The following CSMD1 variants were observed in gnomAD, a reference collection of about 807,000 sequenced individuals.
CSMD1 encodes CUB and Sushi multiple domains 1.
In CSMD1, 213 loss-of-function variants were observed where a neutral mutation model predicts 417.5. The observed-to-expected ratio is 0.51, with a 90% CI of 0.46 to 0.57. CSMD1 has a LOEUF of 0.57. Ranked by LOEUF, CSMD1 falls within the 20% of genes least tolerant of loss-of-function variation. The pLI, the probability that CSMD1 is intolerant of heterozygous loss-of-function variation, is 0.00. For synonymous variants in CSMD1, 2,862 were observed against 1,736.8 expected (o/e 1.65, Z -16.11); for missense variants, 6,923 against 4,529.7 (o/e 1.53, Z -15.17).
chr8:4,749,765 T>C (rs1448693830), intron 1 of CSMD1, among the ~76,000 whole-genome samples: 1 of 152,172 alleles, frequency 6.6e-6, no homozygotes, highest in Non-Finnish European at 1.5e-5. Context: ...ACCATCTAGA[T>C]GCATTAAAAT....
intron 25 of CSMD1, among the ~76,000 whole-genome samples, chr8:3,296,888 G>A (rs1428817655): frequency 6.6e-6 from 1 of 152,174 alleles, no homozygotes; most frequent in Non-Finnish European, 1.5e-5. Flanking sequence ...ATAGATGGAG[G>A]GGTATGTAGG....
At chr8:4,019,425 T>A (rs1172355086) in intron 4 of CSMD1, among the ~76,000 whole-genome samples, 2 of 152,014 alleles carry the variant, frequency 1.3e-5, no homozygotes, top group East Asian at 1.9e-4. Context: ...CCTATCTTCA[T>A]GTACCTAAAA....
chr8:3,558,560 T>A (rs1398160536), intron 10 of CSMD1, among the ~76,000 whole-genome samples: 1 of 87,844 alleles, frequency 1.1e-5, no homozygotes, highest in Non-Finnish European at 3.0e-5. Flanking sequence ...TGGTACCCCG[T>A]GTCCACTCCT....
intron 5 of CSMD1, among the ~76,000 whole-genome samples, chr8:3,985,810 G>C (rs1010913570): frequency 6.6e-6 from 1 of 151,422 alleles, no homozygotes. Context: ...GATTGGACAG[G>C]GTGAGACAGC....
At chr8:4,070,657 A>G (rs1799506637) in intron 3 of CSMD1, among the ~76,000 whole-genome samples, 1 of 152,028 alleles carries the variant, frequency 6.6e-6, no homozygotes, top group East Asian at 1.9e-4. Context: ...GTGCCCGGCC[A>G]CCACCTATAA....
Position 4,243,781 on chromosome 8 carries a change from G to C in CSMD1, c.415+176172C>G, listed in dbSNP as rs780538083. On this transcript the variant is annotated intron_variant, in intron 3 of 69. Coordinates refer to ENST00000635120, the MANE Select transcript of CSMD1 (RefSeq NM_033225.6). ...ATCATTCTAGTATTCAACGAGGAAA[G>C]AAAGAAAAGCAAATCATGACAAGGT... is the stretch of plus-strand genomic sequence containing the variant. Among the ~76,000 whole-genome samples the C allele has an allele frequency of 2.0e-5, 3 of 152,136 alleles. No individual in the cohort carries two copies. In the South Asian group the frequency reaches 6.2e-4, roughly 32 times the overall value.
At chr8:4,961,354 C>G (rs1018036871) in intron 1 of CSMD1, among the ~76,000 whole-genome samples, 8 of 152,088 alleles carry the variant, frequency 5.3e-5, no homozygotes, top group African/African-American at 1.9e-4. Flanking sequence ...TTCTTTCAAC[C>G]TGACCTGATT....
intron 50 of CSMD1, 148 bp from the exon 51 acceptor site, chr8:3,029,661 C>A: frequency 1.6e-6 from 1 of 636,608 alleles, no homozygotes; most frequent in South Asian, 2.0e-5. Context: ...TGTTTCTCTA[C>A]CACCCACATA....
chr8:3,901,491 G>C (rs1467968780), intron 5 of CSMD1, among the ~76,000 whole-genome samples: 2 of 152,128 alleles, frequency 1.3e-5, no homozygotes, highest in Admixed American at 6.6e-5. Flanking sequence ...CACATGCATT[G>C]TCAGTTCTGA....
At chr8:3,720,224 T>A (rs1400450458) in intron 6 of CSMD1, among the ~76,000 whole-genome samples, 2 of 152,266 alleles carry the variant, frequency 1.3e-5, no homozygotes, top group Non-Finnish European at 2.9e-5. Flanking sequence ...GTTGGAAACA[T>A]GCCACGTCAT....
At chr8:3,002,042 C>G (rs1563224591) in intron 52 of CSMD1, among the ~76,000 whole-genome samples, 1 of 152,132 alleles carries the variant, frequency 6.6e-6, no homozygotes, top group Non-Finnish European at 1.5e-5. Context: ...TGCCTCAACT[C>G]GTAGAAGAGA....
chr8:3,336,201 G>C (rs1199066710), intron 23 of CSMD1, among the ~76,000 whole-genome samples: 1 of 152,090 alleles, frequency 6.6e-6, no homozygotes, highest in Non-Finnish European at 1.5e-5. Flanking sequence ...TATTAAGTTA[G>C]ATCATAGCAA....
At chr8:4,667,204 T>C (rs932484989) in intron 1 of CSMD1, among the ~76,000 whole-genome samples, 1 of 152,166 alleles carries the variant, frequency 6.6e-6, no homozygotes, top group Non-Finnish European at 1.5e-5. Flanking sequence ...TTCCATAGAT[T>C]ATATCTATCT....
intron 12 of CSMD1, among the ~76,000 whole-genome samples, chr8:3,423,652 G>T: frequency 1.3e-5 from 2 of 152,300 alleles, no homozygotes; most frequent in Admixed American, 1.3e-4. Flanking sequence ...GGGCATTTGG[G>T]TTGTTTCCAG....
At chr8:4,345,249 C>T (rs1800713023) in intron 3 of CSMD1, among the ~76,000 whole-genome samples, 2 of 152,084 alleles carry the variant, frequency 1.3e-5, no homozygotes, top group Admixed American at 1.3e-4. Context: ...GTGAAATGGA[C>T]ATGAAAATTA....
chr8:3,880,635 A>C (rs1346925010), intron 5 of CSMD1, among the ~76,000 whole-genome samples: 1 of 152,228 alleles, frequency 6.6e-6, no homozygotes, highest in East Asian at 1.9e-4. Context: ...TAGGACATAC[A>C]TGTTTCTTAA....
chr8:4,507,542 G>A (rs948503545), intron 2 of CSMD1, among the ~76,000 whole-genome samples: 7 of 152,098 alleles, frequency 4.6e-5, no homozygotes, highest in African/African-American at 1.2e-4. Flanking sequence ...TGACATAGAA[G>A]TATTCAATTC....
chr8:3,970,552 A>C (rs1047427900), intron 5 of CSMD1, among the ~76,000 whole-genome samples: 12 of 152,194 alleles, frequency 7.9e-5, no homozygotes, highest in Non-Finnish European at 1.8e-4. Context: ...GCCAGATCTT[A>C]GTGATTTGCA....
rs373761591 is a variant in CSMD1, at chr8:4,265,706, C to T, written c.415+154247G>A. ...CTGAACAGTATTATTTGACATGTTA[C>T]GATTAGGAAACAGTTAATGCAACAT... On this transcript the variant is annotated intron_variant, in intron 3 of 69. Transcript: ENST00000635120. 9.9e-4 allele frequency among the ~76,000 whole-genome samples: 104 copies of T among 104,560 alleles called. 38 individuals carry two copies. The South Asian group carries it at 0.038, about 38-fold the overall frequency. The allele number at this position is 104,560 out of a possible 152,430, so 68.6% of individuals were successfully genotyped here. A position where few individuals can be genotyped will look rare whatever the true frequency, so the allele number is the denominator to read the frequency against.
Sources: gnomAD v4.1 joint callset for allele counts (sites outside exome capture counted in the v4.1 genomes callset) on GRCh38, gnomAD v4.1.1 for gene constraint, MANE v1.5 for transcripts, NCBI Gene and HGNC (gene_info 2026-07-23, HGNC 2026-07-21) for gene names.